SIAE: variants seen among roughly 807,000 people sequenced by gnomAD.
The protein encoded by SIAE is sialate O-acetylesterase.
SIAE carries 39 observed loss-of-function variants against 52.6 expected under a neutral mutation model. The observed-to-expected ratio is 0.74, with a 90% confidence interval of 0.57 to 0.97. SIAE has a LOEUF of 0.97. SIAE is among the 50% of genes least tolerant of loss of function. SIAE has a pLI of 0.00. For missense variants in SIAE, 592 were observed against 662.1 expected (o/e 0.89, Z 1.16); for synonymous variants, 233 against 241.4 (o/e 0.97, Z 0.32).
upstream of SIAE, chr11:124,674,661 A>G (rs1943435205): frequency 6.6e-6 from 1 of 152,254 alleles, no homozygotes; most frequent in African/African-American, 2.4e-5. Context: ...AAATCATGAC[A>G]CACAGCCCCA....
intron 6 of SIAE, among the ~76,000 whole-genome samples, chr11:124,647,702 C>T (rs531847110): frequency 6.6e-6 from 1 of 152,266 alleles, no homozygotes; most frequent in Admixed American, 6.5e-5. Context: ...CTGTCCTCTC[C>T]TGATGACCCT....
In SIAE at chr11:124,639,727, T is replaced by G. The variant is rs773703064; in HGVS notation, c.1107A>C (p.Arg369Ser). The G allele has an allele frequency of 2.0e-5, 32 of 1,614,004 alleles. No homozygotes were observed. The highest frequency in any genetic ancestry group is 5.0e-5 in the Admixed American group (3 of 59,998). ...AATCATACCTGCCAAAAGGCGAGTC[T>G]CTATCACAGAGATCCATAGCTACAG... Reference protein sequence around the residue: ...FMAVAMDLCDRDSPFGSIHPR... With the variant: ...FMAVAMDLCDSDSPFGSIHPR... The change falls in exon 8 of 10, where the codon AGA (arginine) becomes AGC (serine). Residue 369 changes from arginine to serine, a missense_variant. Physicochemically the swap from Arg to Ser is moderately radical, Grantham distance 110. Transcript: ENST00000263593.
rs748734245 is a variant in SIAE at position 124,673,670 on chromosome 11, T to C, written c.39A>G (p.Pro13=). The change falls in exon 1 of 10, where the codon CCA becomes CCG. Residue 13 remains proline (P), a synonymous_variant. Coordinates refer to ENST00000263593, the MANE Select transcript of SIAE (RefSeq NM_170601.5). ...CACTTCTGTCGGCCCACAGGATTAATGGCAGCACCAGCCCGAGTACAAGCC... is the reference window on the plus strand; with the variant it reads ...CACTTCTGTCGGCCCACAGGATTAACGGCAGCACCAGCCCGAGTACAAGCC... ...APGLVLGLVL[P]LILWADRSAG... The C allele has an allele frequency of 6.2e-6, 10 of 1,613,554 alleles. 1 individual carries two copies. The South Asian group carries it at 8.8e-5, about 14-fold the overall frequency.
rs1206202383 is a variant in SIAE, at chr11:124,639,766, G to A, written c.1068C>T (p.Pro356=). 1 of 1,614,122 alleles carries A rather than the reference G, an allele frequency of 6.2e-7. No individual in the cohort carries two copies. Among genetic ancestry groups the A allele is most frequent in the Non-Finnish European group, 8.5e-7 (1 of 1,180,016 alleles). Residue 356 remains proline (P), a synonymous_variant, in exon 8 of 10, where the codon CCC becomes CCT. Transcript: ENST00000263593. ...CCATAGCTACAGCCATGAAAGTATT[G>A]GGCATCTTTGGGTTGGGGACATAGC... ...DFGYVPNPKM[P]NTFMAVAMDL...
At chr11:124,662,836 C>T (rs11219748) in intron 2 of SIAE, among the ~76,000 whole-genome samples, 16,255 of 151,998 alleles carry the variant, frequency 0.11, 2,785 homozygotes, top group African/African-American at 0.36. Flanking sequence ...TTTTCCTTTC[C>T]TACTTGATAA....
Position 124,654,687 on chromosome 11 carries a change from G to A in SIAE, c.512C>T (p.Ala171Val), listed in dbSNP as rs148776709. Residue 171 changes from alanine to valine, a missense_variant, in exon 4 of 10, where the codon GCG becomes GTG. Ala to Val is a moderately conservative substitution (Grantham distance 64, BLOSUM62 0). Coordinates refer to ENST00000263593, the MANE Select transcript of SIAE (RefSeq NM_170601.5). The stretch of plus-strand genomic sequence containing the variant: ...GGGCTTAGACCACTGCAAGTCAACC[G>A]CAACAAGGTCCTCCAGCTCCTGCTC... ...QAEQELEDLV[A>V]VDLQWSKPTS... The A allele has an allele frequency of 1.3e-4, 212 of 1,614,022 alleles. No homozygotes were observed. The highest frequency in any genetic ancestry group is 3.6e-4 in the African/African-American group (27 of 74,902).
chr11:124,663,429 G>T (rs372826516), intron 2 of SIAE, among the ~76,000 whole-genome samples: 1 of 152,060 alleles, frequency 6.6e-6, no homozygotes, highest in African/African-American at 2.4e-5. Flanking sequence ...ACAAAAATGA[G>T]CTGGGCATGG....
upstream of SIAE, chr11:124,675,307 G>A (rs761100717): frequency 1.9e-6 from 3 of 1,614,030 alleles, no homozygotes; most frequent in African/African-American, 2.7e-5. Context: ...AATTCCACAA[G>A]GATTTGGGAA....
chr11:124,651,290 G>A (rs1943012281), intron 4 of SIAE, among the ~76,000 whole-genome samples: 2 of 152,156 alleles, frequency 1.3e-5, no homozygotes, highest in Admixed American at 1.3e-4. Context: ...GCTCATGCCT[G>A]TAATCCCAGC....
chr11:124,644,539 A>G (rs1221692000), intron 7 of SIAE, among the ~76,000 whole-genome samples: 1 of 152,132 alleles, frequency 6.6e-6, no homozygotes, highest in African/African-American at 2.4e-5. Flanking sequence ...CCACACCCAC[A>G]TGAAATTCCT....
At position 124,651,547 on chromosome 11, in the gene SIAE, C is replaced by CA. The variant is rs35688416; in HGVS notation, c.545-1752dup. On this transcript the variant is annotated intron_variant, in intron 4 of 9. Transcript: ENST00000263593. ...TGGGCGACAGAGCAAGACTCCGTCT[C>CA]AAAAAAAAAAAAAAAAGAGTAAGAC... Among the ~76,000 whole-genome samples the CA allele has an allele frequency of 3.8e-3, 306 of 81,464 alleles. 1 individual carries two copies. The Middle Eastern group carries it at 0.058, about 15-fold the overall frequency. The allele number at this position is 81,464 out of a possible 152,430, so 53.4% of individuals were successfully genotyped here. A position where few individuals can be genotyped will look rare whatever the true frequency, so the allele number is the denominator to read the frequency against.
chr11:124,669,654 A>G, intron 1 of SIAE, 133 bp from the exon 2 acceptor site: 1 of 844,840 alleles, frequency 1.2e-6, no homozygotes, highest in Non-Finnish European at 1.9e-6. Context: ...TTAATCGTCT[A>G]AAACTGGCTC....
At chr11:124,660,917 T>C in intron 2 of SIAE, 114 bp from the exon 3 acceptor site, 2 of 1,312,294 alleles carry the variant, frequency 1.5e-6, no homozygotes, top group Non-Finnish European at 2.2e-6. Context: ...AATTCAAAGC[T>C]ATGAAGATTG....
intron 3 of SIAE, among the ~76,000 whole-genome samples, chr11:124,658,262 AG>A (rs369305918): frequency 9.3e-5 from 14 of 151,078 alleles, no homozygotes; most frequent in African/African-American, 3.4e-4. Flanking sequence ...ACACACACAC[AG>A]AAGGACAGAA....
In SIAE at chr11:124,669,353, G is replaced by A; in HGVS notation, c.229+7C>T. 1 of 1,614,112 alleles carries A rather than the reference G, an allele frequency of 6.2e-7. No individual in the cohort carries two copies. The highest frequency in any genetic ancestry group is 8.5e-7 in the Non-Finnish European group (1 of 1,179,974). On this transcript the variant is annotated splice_region_variant and intron_variant, in intron 2 of 9. Coordinates refer to ENST00000263593, the MANE Select transcript of SIAE (RefSeq NM_170601.5). ...GCAATAGCTGAACGGAAGATGGGCT[G>A]CCTTACCTTTCACACTGGTCACTTT...
At chr11:124,662,845 A>C (rs1943208637) in intron 2 of SIAE, among the ~76,000 whole-genome samples, 1 of 152,198 alleles carries the variant, frequency 6.6e-6, no homozygotes, top group Admixed American at 6.5e-5. Context: ...CCTACTTGAT[A>C]AAAGAAAAGT....
At chr11:124,638,421 C>T in intron 9 of SIAE, 121 bp downstream of exon 9, 1 of 1,065,926 alleles carries the variant, frequency 9.4e-7, no homozygotes, top group Non-Finnish European at 1.4e-6. Flanking sequence ...CTGAAATAAG[C>T]TCAGCCCCCA....
intron 7 of SIAE, among the ~76,000 whole-genome samples, chr11:124,644,351 G>GGAAAAAAAAAAAA (rs1555096422): frequency 2.0e-5 from 2 of 98,994 alleles, no homozygotes; most frequent in African/African-American, 4.0e-5. Context: ...AGTCTGTGGT[G>GGAAAAAAAAAAAA]AGAAAAAAAA....
At chr11:124,657,726 G>A (rs1943123921) in intron 3 of SIAE, among the ~76,000 whole-genome samples, 1 of 152,198 alleles carries the variant, frequency 6.6e-6, no homozygotes, top group African/African-American at 2.4e-5. Flanking sequence ...AAAAATGGGG[G>A]TGGGGACCAT....
Sources: gnomAD v4.1 joint callset for allele counts (sites outside exome capture counted in the v4.1 genomes callset) on GRCh38, gnomAD v4.1.1 for gene constraint, MANE v1.5 for transcripts, NCBI Gene and HGNC (gene_info 2026-07-23, HGNC 2026-07-21) for gene names.